Variants in ADGRL2 observed in about 807,000 individuals in gnomAD.
ADGRL2 encodes the protein adhesion G protein-coupled receptor L2, also known as calcium-independent alpha-latrotoxin receptor 2.
A neutral mutation model predicts 157.4 loss-of-function variants in ADGRL2; 44 were observed. That is an observed-to-expected ratio of 0.28 (90% CI 0.22 to 0.36). The LOEUF (loss-of-function observed/expected upper bound fraction) is 0.36, where lower values mean the gene tolerates loss of function less well. ADGRL2 is among the 10% of genes least tolerant of loss of function. ADGRL2 has a pLI of 1.00. For synonymous variants in ADGRL2, 585 were observed against 624.7 expected, an observed-to-expected ratio of 0.94 and a Z score of 0.95; for missense variants, 1,510 against 1,768.9, an observed-to-expected ratio of 0.85 and a Z score of 2.63.
At chr1:81,617,102 G>A (rs184496393) in intron 3 of ADGRL2, among the ~76,000 whole-genome samples, 14 of 152,364 alleles carry the variant, frequency 9.2e-5, no homozygotes, top group Admixed American at 5.9e-4. Flanking sequence ...ACTGGTGCTG[G>A]TCTGGCCTGA....
chr1:81,947,796 T>A (rs1650364559), intron 6 of ADGRL2, among the ~76,000 whole-genome samples: 1 of 152,236 alleles, frequency 6.6e-6, no homozygotes, highest in African/African-American at 2.4e-5. Context: ...AAATTCTATG[T>A]GTACCTCTAA....
At chr1:81,378,548 G>A (rs1258469811) in intron 1 of ADGRL2, among the ~76,000 whole-genome samples, 16 of 118,290 alleles carry the variant, frequency 1.4e-4, no homozygotes, top group African/African-American at 4.8e-4. Flanking sequence ...CTGGACACCA[G>A]AATGAGACCT....
chr1:81,972,311 A>G (rs1476547892), intron 17 of ADGRL2, among the ~76,000 whole-genome samples: 1 of 152,106 alleles, frequency 6.6e-6, no homozygotes, highest in Non-Finnish European at 1.5e-5. Context: ...AATTAATTTT[A>G]AGTGAATTTT....
At chr1:81,726,523 A>G (rs1351676423) in intron 1 of ADGRL2, among the ~76,000 whole-genome samples, 1 of 152,214 alleles carries the variant, frequency 6.6e-6, no homozygotes, top group Admixed American at 6.5e-5. Flanking sequence ...CCATGACTGT[A>G]TTGGACAGCA....
chr1:81,446,731 T>C (rs2077603942), intron 2 of ADGRL2, among the ~76,000 whole-genome samples: 1 of 152,180 alleles, frequency 6.6e-6, no homozygotes, highest in African/African-American at 2.4e-5. Flanking sequence ...ATCTTCAAAA[T>C]GTAATCAGTT....
intron 3 of ADGRL2, among the ~76,000 whole-genome samples, chr1:81,655,133 G>A (rs968613986): frequency 1.3e-5 from 2 of 152,208 alleles, no homozygotes; most frequent in African/African-American, 2.4e-5. Context: ...CAAGTGGCCA[G>A]GACTACGGGC....
At chr1:81,736,078 G>A (rs1358685817) in intron 1 of ADGRL2, among the ~76,000 whole-genome samples, 1 of 151,050 alleles carries the variant, frequency 6.6e-6, no homozygotes, top group Non-Finnish European at 1.5e-5. Context: ...AAGAGGCAGA[G>A]GTTGCAGTGA....
intron 2 of ADGRL2, among the ~76,000 whole-genome samples, chr1:81,484,650 C>T (rs796852924): frequency 6.6e-6 from 1 of 152,088 alleles, no homozygotes; most frequent in Non-Finnish European, 1.5e-5. Flanking sequence ...GTGTAGGCAG[C>T]ATTTTAGTCC....
chr1:81,354,493 A>C (rs893585863), intron 1 of ADGRL2, among the ~76,000 whole-genome samples: 8 of 152,226 alleles, frequency 5.3e-5, no homozygotes, highest in African/African-American at 1.9e-4. Context: ...AGAAAGAACA[A>C]GAGTTGAAGG....
In ADGRL2 at chr1:81,990,643, G is replaced by A. The variant is rs1248221552; in HGVS notation, c.3908G>A (p.Gly1303Asp). Residue 1303 changes from glycine to aspartate, a missense_variant, in exon 24 of 24, where the codon GGT becomes GAT. Coordinates refer to ENST00000686636, the MANE Select transcript of ADGRL2 (RefSeq NM_001366006.2). ...LTLPVKPVIGGSSSEDDAIVA... is the reference protein window; with the variant it reads ...LTLPVKPVIGDSSSEDDAIVA... The stretch of plus-strand genomic sequence containing the variant: ...CTACCAGTCAAACCTGTGATTGGAG[G>A]TAGCAGCAGTGAAGATGATGCTATT... The A allele has an allele frequency of 1.9e-6, 3 of 1,614,184 alleles. No homozygotes were observed. The highest frequency in any genetic ancestry group is 2.5e-6 in the Non-Finnish European group (3 of 1,180,032).
intron 2 of ADGRL2, among the ~76,000 whole-genome samples, chr1:81,539,964 G>A (rs916215269): frequency 5.9e-5 from 9 of 152,076 alleles, no homozygotes; most frequent in Non-Finnish European, 1.2e-4. Flanking sequence ...AGAATCTAGA[G>A]AATCTAGTAG....
intron 1 of ADGRL2, among the ~76,000 whole-genome samples, chr1:81,730,497 T>G (rs1273564100): frequency 6.6e-6 from 1 of 151,860 alleles, no homozygotes; most frequent in East Asian, 1.9e-4. Context: ...CCGAGGTGAG[T>G]GGATCACTTG....
chr1:81,990,674 A>T lies in ADGRL2; in HGVS notation c.3939A>T (p.Ala1313=), dbSNP rs755479076. 1.9e-6 allele frequency: 3 copies of T among 1,614,210 alleles called. No homozygotes were observed. In the South Asian group the frequency reaches 3.3e-5, roughly 18 times the overall value. The change falls in exon 24 of 24, where the codon GCA becomes GCT. Residue 1313 remains alanine, a synonymous_variant. Coordinates refer to ENST00000686636, the MANE Select transcript of ADGRL2 (RefSeq NM_001366006.2). ...GCAGTGAAGATGATGCTATTGTGGC[A>T]GATGCTTCATCTTTAATGCACAGCG... ...GSSSEDDAIV[A]DASSLMHSDN... is the part of the protein sequence containing the mutation.
chr1:81,930,150 G>A (rs919985203), intron 3 of ADGRL2, among the ~76,000 whole-genome samples: 1 of 152,240 alleles, frequency 6.6e-6, no homozygotes, highest in African/African-American at 2.4e-5. Flanking sequence ...TTTATTCTGA[G>A]AGTATAAGTA....
chr1:81,676,823 A>G (rs1192260852), intron 3 of ADGRL2, among the ~76,000 whole-genome samples: 1 of 151,562 alleles, frequency 6.6e-6, no homozygotes, highest in Non-Finnish European at 1.5e-5. Context: ...AGTAGCTGGG[A>G]CTACAGCCGC....
intron 2 of ADGRL2, among the ~76,000 whole-genome samples, chr1:81,791,066 CAAAAAA>C (rs11411906): frequency 2.7e-5 from 1 of 37,462 alleles, no homozygotes; most frequent in Non-Finnish European, 4.3e-5. Flanking sequence ...GACCCTATCT[CAAAAAA>C]AAAAAAAAAA....
intron 1 of ADGRL2, among the ~76,000 whole-genome samples, chr1:81,325,334 A>C (rs754108522): frequency 6.6e-5 from 10 of 152,194 alleles, no homozygotes; most frequent in Non-Finnish European, 1.2e-4. Flanking sequence ...ACCTGTATTT[A>C]AAAGATGTCT....
chr1:81,921,538 CACA>C (rs1174073151), intron 3 of ADGRL2, among the ~76,000 whole-genome samples: 1 of 152,146 alleles, frequency 6.6e-6, no homozygotes, highest in Admixed American at 6.5e-5. Context: ...TTCAGAAGAG[CACA>C]ACATTTGCTG....
intron 2 of ADGRL2, among the ~76,000 whole-genome samples, chr1:81,473,495 GTAT>G (rs2078213739): frequency 6.6e-6 from 1 of 152,152 alleles, no homozygotes; most frequent in South Asian, 2.1e-4. Flanking sequence ...CCAGTTAAAC[GTAT>G]TATTAAAATT....
Sources: gnomAD v4.1 joint callset for allele counts (sites outside exome capture counted in the v4.1 genomes callset) on GRCh38, gnomAD v4.1.1 for gene constraint, MANE v1.5 for transcripts, NCBI Gene and HGNC (gene_info 2026-07-23, HGNC 2026-07-21) for gene names.